Variants in POFUT3 observed in about 807,000 individuals in gnomAD.
POFUT3 encodes the protein GDP-fucose protein O-fucosyltransferase 3.
the POFUT3 span, chr8:33,453,348 G>A: frequency 6.2e-7 from 1 of 1,614,142 alleles, no homozygotes; most frequent in South Asian, 1.1e-5. Context: ...AGCATAATGG[G>A]GTAGCTGTCC....
the POFUT3 span, among the ~76,000 whole-genome samples, chr8:33,380,342 A>G: frequency 6.9e-6 from 1 of 145,648 alleles, no homozygotes; most frequent in Non-Finnish European, 1.5e-5. Flanking sequence ...AAATGGAAAT[A>G]CTAGGTTTCT....
the POFUT3 span, among the ~76,000 whole-genome samples, chr8:33,363,666 C>A: frequency 3.3e-5 from 5 of 152,174 alleles, no homozygotes; most frequent in Non-Finnish European, 7.3e-5. Flanking sequence ...ACTAGAAAAT[C>A]TAGAAGAAAT....
At chr8:33,430,113 C>G in the POFUT3 span, among the ~76,000 whole-genome samples, 2 of 152,106 alleles carry the variant, frequency 1.3e-5, no homozygotes, top group Non-Finnish European at 2.9e-5. Flanking sequence ...CATTTTACAC[C>G]GAGGCTATGA....
At chr8:33,319,978 T>C in the POFUT3 span, among the ~76,000 whole-genome samples, 1 of 150,848 alleles carries the variant, frequency 6.6e-6, no homozygotes, top group African/African-American at 2.4e-5. Flanking sequence ...ACTAAGGATG[T>C]ACTATGTGCC....
At chr8:33,381,358 A>G in the POFUT3 span, among the ~76,000 whole-genome samples, 6 of 152,272 alleles carry the variant, frequency 3.9e-5, no homozygotes, top group African/African-American at 1.4e-4. Context: ...ATACTTTATC[A>G]TTCTAACTTA....
the POFUT3 span, among the ~76,000 whole-genome samples, chr8:33,349,826 A>G: frequency 1.5e-4 from 23 of 152,218 alleles, no homozygotes; most frequent in Non-Finnish European, 2.9e-4. Flanking sequence ...ATCAAATGGT[A>G]GATCTACTTT....
At chr8:33,418,163 C>T in the POFUT3 span, among the ~76,000 whole-genome samples, 1 of 152,156 alleles carries the variant, frequency 6.6e-6, no homozygotes, top group Admixed American at 6.5e-5. Flanking sequence ...ATATTTGTGG[C>T]ACCCCAGTGA....
the POFUT3 span, among the ~76,000 whole-genome samples, chr8:33,340,487 C>G: frequency 3.3e-5 from 5 of 151,614 alleles, no homozygotes; most frequent in Admixed American, 1.3e-4. Context: ...CCAAAAAAAA[C>G]CCAGCATATA....
chr8:33,369,169 A>C, the POFUT3 span, among the ~76,000 whole-genome samples: 1 of 152,234 alleles, frequency 6.6e-6, no homozygotes, highest in Non-Finnish European at 1.5e-5. Context: ...CAAAGTGAAC[A>C]CTAGCTCATC....
chr8:33,393,534 A>G, the POFUT3 span, among the ~76,000 whole-genome samples: 6,648 of 152,308 alleles, frequency 0.044, 470 homozygotes, highest in African/African-American at 0.15. Flanking sequence ...TTTATGGGAC[A>G]TGTTTATATG....
the POFUT3 span, among the ~76,000 whole-genome samples, chr8:33,314,337 T>C: frequency 3.3e-5 from 5 of 152,228 alleles, no homozygotes; most frequent in Admixed American, 3.3e-4. Context: ...CTCTCTAATA[T>C]CCACTCCCAA....
chr8:33,320,381 T>C, the POFUT3 span, among the ~76,000 whole-genome samples: 1 of 152,130 alleles, frequency 6.6e-6, no homozygotes, highest in African/African-American at 2.4e-5. Flanking sequence ...CCTAGAATGC[T>C]ACATTTTCTT....
At chr8:33,409,157 T>G in the POFUT3 span, among the ~76,000 whole-genome samples, 8 of 152,274 alleles carry the variant, frequency 5.3e-5, 1 homozygote, top group Admixed American at 5.2e-4. Context: ...GGCTGGTGTG[T>G]AGTGTCACAA....
At chr8:33,388,875 G>C in the POFUT3 span, 3 of 1,008,812 alleles carry the variant, frequency 3.0e-6, no homozygotes, top group Non-Finnish European at 4.7e-6. Context: ...ACACTGATGA[G>C]GTGGCAACAA....
At chr8:33,357,486 C>A in the POFUT3 span, among the ~76,000 whole-genome samples, 1 of 147,130 alleles carries the variant, frequency 6.8e-6, no homozygotes. Flanking sequence ...CCACCATTAT[C>A]CTCTTGCAAA....
the POFUT3 span, among the ~76,000 whole-genome samples, chr8:33,414,829 C>T: frequency 3.3e-5 from 5 of 152,078 alleles, no homozygotes; most frequent in Admixed American, 6.6e-5. Context: ...GACTTGGACA[C>T]CTAAACTCAC....
At chr8:33,330,681 A>C in the POFUT3 span, among the ~76,000 whole-genome samples, 1 of 152,194 alleles carries the variant, frequency 6.6e-6, no homozygotes, top group Non-Finnish European at 1.5e-5. Context: ...ACCACTTTGC[A>C]CAGCACCTGG....
the POFUT3 span, among the ~76,000 whole-genome samples, chr8:33,390,343 GA>G: frequency 7.0e-4 from 106 of 152,054 alleles, no homozygotes; most frequent in African/African-American, 2.4e-3. Context: ...CTCATTTTAC[GA>G]AAAAGGAAAC....
the POFUT3 span, among the ~76,000 whole-genome samples, chr8:33,415,826 T>C: frequency 6.6e-6 from 1 of 152,204 alleles, no homozygotes; most frequent in African/African-American, 2.4e-5. Context: ...ACTGTACTAA[T>C]ATTTAATGGT....
Sources: gnomAD v4.1 joint callset for allele counts (sites outside exome capture counted in the v4.1 genomes callset) on GRCh38, gnomAD v4.1.1 for gene constraint, MANE v1.5 for transcripts, NCBI Gene and HGNC (gene_info 2026-07-23, HGNC 2026-07-21) for gene names.